Variants in DPYD observed in about 807,000 individuals in gnomAD.
DPYD encodes the protein dihydropyrimidine dehydrogenase.
Under a neutral mutation model 116.2 loss-of-function variants are expected in DPYD, and 109 were observed. The ratio of observed to expected loss-of-function variants is 0.94; its 90% confidence interval spans 0.80 to 1.10. DPYD has a LOEUF of 1.10. DPYD is among the 50% of genes least tolerant of loss of function. The probability of loss-of-function intolerance (pLI) is 0.00; values close to 1 mark genes in which losing one functional copy is unlikely to be tolerated. For synonymous variants in DPYD, 440 were observed against 432.0 expected (o/e 1.02, Z -0.23); for missense variants, 1,302 against 1,254.5 (o/e 1.04, Z -0.57).
chr1:97,526,583 T>C (rs76805214), intron 12 of DPYD, among the ~76,000 whole-genome samples: 2,499 of 152,040 alleles, frequency 0.016, 68 homozygotes, highest in African/African-American at 0.058. Flanking sequence ...TCCAGTAACA[T>C]GAGTTCTTTT....
chr1:97,898,952 C>T (rs1673218961), intron 1 of DPYD, among the ~76,000 whole-genome samples: 1 of 151,826 alleles, frequency 6.6e-6, no homozygotes, highest in Non-Finnish European at 1.5e-5. Flanking sequence ...ATAAATTATC[C>T]AGTTTCAGGT....
chr1:97,121,438 T>A (rs765082666), intron 20 of DPYD, among the ~76,000 whole-genome samples: 1 of 152,180 alleles, frequency 6.6e-6, no homozygotes, highest in Non-Finnish European at 1.5e-5. Flanking sequence ...CCCATTCCAA[T>A]GATATGTAAG....
chr1:97,609,933 G>A (rs11799494), intron 8 of DPYD, among the ~76,000 whole-genome samples: 1,697 of 151,982 alleles, frequency 0.011, 38 homozygotes, highest in African/African-American at 0.039. Flanking sequence ...CTTAAATGGC[G>A]TCTTGTAAAA....
chr1:97,112,192 T>G (rs1651647694), intron 20 of DPYD, among the ~76,000 whole-genome samples: 1 of 152,142 alleles, frequency 6.6e-6, no homozygotes, highest in Non-Finnish European at 1.5e-5. Flanking sequence ...ATATTTTGCC[T>G]TGTGCTTAAT....
At chr1:97,181,110 C>T (rs1657616006) in intron 20 of DPYD, among the ~76,000 whole-genome samples, 1 of 152,112 alleles carries the variant, frequency 6.6e-6, no homozygotes, top group Non-Finnish European at 1.5e-5. Context: ...CATGCAGGCA[C>T]TGACAATTGA....
intron 12 of DPYD, among the ~76,000 whole-genome samples, chr1:97,520,064 T>C (rs1212952040): frequency 2.6e-5 from 4 of 152,204 alleles, no homozygotes; most frequent in African/African-American, 9.6e-5. Flanking sequence ...TTGCATGGCA[T>C]AGTCTGATTT....
intron 8 of DPYD, among the ~76,000 whole-genome samples, chr1:97,654,945 T>A (rs1339992012): frequency 6.6e-6 from 1 of 152,070 alleles, no homozygotes; most frequent in Non-Finnish European, 1.5e-5. Context: ...GAAAAGGGTT[T>A]CCCTTATAAA....
chr1:97,871,595 A>G (rs1337319581), intron 2 of DPYD, among the ~76,000 whole-genome samples: 1 of 151,626 alleles, frequency 6.6e-6, no homozygotes, highest in African/African-American at 2.4e-5. Flanking sequence ...CAGGCAAAAA[A>G]AAAAAAAAAT....
chr1:97,527,336 C>T (rs1242010022), intron 12 of DPYD, among the ~76,000 whole-genome samples: 2 of 152,104 alleles, frequency 1.3e-5, no homozygotes, highest in Non-Finnish European at 1.5e-5. Flanking sequence ...CTTGGCCTCC[C>T]AAAGTGCTGG....
At chr1:97,149,797 A>G (rs1345120676) in intron 20 of DPYD, among the ~76,000 whole-genome samples, 1 of 152,224 alleles carries the variant, frequency 6.6e-6, no homozygotes, top group Non-Finnish European at 1.5e-5. Flanking sequence ...CACAAAGCCA[A>G]TTCTGCTAAC....
intron 8 of DPYD, among the ~76,000 whole-genome samples, chr1:97,610,989 G>A (rs1185324991): frequency 6.6e-6 from 1 of 151,354 alleles, no homozygotes; most frequent in African/African-American, 2.4e-5. Flanking sequence ...ATATATATAT[G>A]TGTGTGTGTG....
Position 97,768,714 on chromosome 1 carries a change from T to C in DPYD, c.234-28235A>G, listed in dbSNP as rs781265862. ...GTGGCTAAAAACTGATTTTCATGCATGTAGGGCTTCTAAACCCAAAAATAT... is the reference window on the plus strand; with the variant it reads ...GTGGCTAAAAACTGATTTTCATGCACGTAGGGCTTCTAAACCCAAAAATAT... On this transcript the variant is annotated intron_variant, in intron 3 of 22. Transcript: ENST00000370192. Among the ~76,000 whole-genome samples, 61 of 152,140 alleles carry C rather than the reference T, an allele frequency of 4.0e-4. 1 individual carries two copies. Among genetic ancestry groups the C allele is most frequent in the Non-Finnish European group, 1.3e-4 (9 of 67,996 alleles).
chr1:97,669,690 A>G (rs947451423), intron 8 of DPYD, among the ~76,000 whole-genome samples: 1 of 152,190 alleles, frequency 6.6e-6, no homozygotes, highest in African/African-American at 2.4e-5. Flanking sequence ...CCTGCTAACG[A>G]AAGATGGCAT....
chr1:97,323,451 CAT>C (rs1402324041), intron 16 of DPYD, among the ~76,000 whole-genome samples: 1 of 94,252 alleles, frequency 1.1e-5, no homozygotes, highest in African/African-American at 3.1e-5. Context: ...CACGTATATA[CAT>C]ATCATATATA....
chr1:97,490,190 C>T (rs541599182), intron 13 of DPYD, among the ~76,000 whole-genome samples: 62 of 151,948 alleles, frequency 4.1e-4, no homozygotes, highest in African/African-American at 1.4e-3. Context: ...TCATCATCAA[C>T]TCACTGCATA....
intron 16 of DPYD, among the ~76,000 whole-genome samples, chr1:97,350,274 CT>C (rs1175185337): frequency 1.3e-5 from 2 of 152,074 alleles, no homozygotes; most frequent in Admixed American, 6.6e-5. Flanking sequence ...AAACCATAGG[CT>C]TTTGTCCAAA....
Position 97,674,709 on chromosome 1 carries a change from G to A in DPYD, c.850+4386C>T, listed in dbSNP as rs143442402. On this transcript the variant is annotated intron_variant, in intron 8 of 22. Transcript: ENST00000370192. The stretch of plus-strand genomic sequence containing the variant: ...ATGTCCAGCCCGTCTACCACACTAC[G>A]TCCCACTCCTGAAATTGTGCAATAT... 6.0e-5 allele frequency among the ~76,000 whole-genome samples: 9 copies of A among 150,166 alleles called. No homozygotes were observed. In the East Asian group the frequency reaches 7.8e-4, roughly 13 times the overall value.
intron 14 of DPYD, among the ~76,000 whole-genome samples, chr1:97,383,028 G>T (rs1319148560): frequency 6.6e-6 from 1 of 152,054 alleles, no homozygotes; most frequent in Admixed American, 6.5e-5. Flanking sequence ...TCCCATAATG[G>T]AGACTGTATA....
chr1:97,582,590 C>A (rs1653769049), intron 10 of DPYD, among the ~76,000 whole-genome samples: 1 of 152,020 alleles, frequency 6.6e-6, no homozygotes, highest in African/African-American at 2.4e-5. Flanking sequence ...GTTAATTAAT[C>A]TCTGGCCTGT....
Sources: gnomAD v4.1 joint callset for allele counts (sites outside exome capture counted in the v4.1 genomes callset) on GRCh38, gnomAD v4.1.1 for gene constraint, MANE v1.5 for transcripts, NCBI Gene and HGNC (gene_info 2026-07-23, HGNC 2026-07-21) for gene names.